WDR76: variants seen among roughly 807,000 people sequenced by gnomAD.
WDR76 encodes the protein WD repeat domain 76.
In WDR76, 52 loss-of-function variants were observed where a neutral mutation model predicts 70.2. That is an observed-to-expected ratio of 0.74 (90% CI 0.59 to 0.93). The LOEUF is 0.93. Among genes scored for constraint, WDR76 ranks in the 40% least tolerant of loss-of-function variants. The pLI is 0.00. For missense variants in WDR76, 756 were observed against 760.2 expected (o/e 0.99, Z 0.07); for synonymous variants, 292 against 271.1 (o/e 1.08, Z -0.76).
intron 2 of WDR76, among the ~76,000 whole-genome samples, chr15:43,832,752 T>TG (rs1456685655): frequency 7.6e-6 from 1 of 131,224 alleles, no homozygotes; most frequent in Non-Finnish European, 1.6e-5. Flanking sequence ...TGTTTTTTTT[T>TG]TTTTTTTTTT....
intron 8 of WDR76, among the ~76,000 whole-genome samples, chr15:43,849,611 T>C (rs566629922): frequency 5.3e-5 from 8 of 152,202 alleles, no homozygotes; most frequent in Non-Finnish European, 1.0e-4. Flanking sequence ...CAATCTTGGC[T>C]CACTGCAACC....
intron 9 of WDR76, among the ~76,000 whole-genome samples, chr15:43,851,566 C>T (rs528280928): frequency 6.6e-6 from 1 of 152,214 alleles, no homozygotes; most frequent in East Asian, 1.9e-4. Flanking sequence ...TGTGTTTGCG[C>T]TTGTTAAATT....
intron 12 of WDR76, among the ~76,000 whole-genome samples, chr15:43,861,818 G>A (rs1216492904): frequency 6.7e-6 from 1 of 148,186 alleles, no homozygotes; most frequent in African/African-American, 2.5e-5. Flanking sequence ...CAACTACTTT[G>A]AATGTATTTG....
intron 2 of WDR76, among the ~76,000 whole-genome samples, chr15:43,832,645 C>T (rs529817956): frequency 8.6e-5 from 13 of 150,702 alleles, no homozygotes; most frequent in African/African-American, 2.9e-4. Flanking sequence ...TAGGTTTCAC[C>T]ATGGTGGCTA....
At position 43,861,389 on chromosome 15, in the gene WDR76, A is replaced by G. The variant is rs1382916882; in HGVS notation, c.1616+3A>G. The G allele has an allele frequency of 2.5e-6, 4 of 1,613,046 alleles. No homozygotes were observed. In the South Asian group the frequency reaches 4.4e-5, roughly 18 times the overall value. ...ATTCCGCTCCTCACCACCATCAGGT[A>G]GGCTTCTATATGCCAAATAATGTAG... is the stretch of plus-strand genomic sequence containing the variant. On this transcript the variant is annotated splice_donor_region_variant and intron_variant, in intron 12 of 12. Transcript: ENST00000263795.
chr15:43,842,564 A>C (rs370919130), intron 6 of WDR76, 48 bp downstream of exon 6: 5 of 1,555,334 alleles, frequency 3.2e-6, no homozygotes, highest in African/African-American at 1.4e-5. Flanking sequence ...TGTTAAGGAA[A>C]TATATATATA....
intron 8 of WDR76, among the ~76,000 whole-genome samples, chr15:43,848,679 G>A (rs904668945): frequency 2.0e-5 from 3 of 152,130 alleles, no homozygotes; most frequent in African/African-American, 7.2e-5. Context: ...AGTGGCTCAT[G>A]CCTGTAATCC....
At chr15:43,832,179 T>C (rs1358170988) in intron 2 of WDR76, among the ~76,000 whole-genome samples, 2 of 152,212 alleles carry the variant, frequency 1.3e-5, no homozygotes, top group Non-Finnish European at 2.9e-5. Context: ...TGTTGAAAGT[T>C]TGTGCCATTC....
rs1356283296 is a variant in WDR76, at chr15:43,866,507, T to C, written c.*115T>C. Reference sequence around the variant, plus strand: ...TGTGTTACATTTAGCAATTATAACATTGTTTTATTAATAAGACTATAAGAA... The same window carrying C: ...TGTGTTACATTTAGCAATTATAACACTGTTTTATTAATAAGACTATAAGAA... On this transcript the variant is annotated 3_prime_UTR_variant, in exon 13 of 13. Coordinates refer to ENST00000263795, the MANE Select transcript of WDR76 (RefSeq NM_024908.4). The C allele has an allele frequency of 2.5e-6, 3 of 1,219,192 alleles. No individual in the cohort carries two copies. The highest frequency in any genetic ancestry group is 3.5e-6 in the Non-Finnish European group (3 of 867,772). 75.5% of individuals were successfully genotyped at this position (1,219,192 alleles called of 1,614,324 possible).
intron 12 of WDR76, among the ~76,000 whole-genome samples, chr15:43,865,914 A>G (rs534314043): frequency 6.6e-6 from 1 of 152,256 alleles, no homozygotes; most frequent in East Asian, 1.9e-4. Flanking sequence ...CATATGTTTT[A>G]TTTTGGGAGA....
intron 8 of WDR76, among the ~76,000 whole-genome samples, chr15:43,849,738 A>G (rs909935938): frequency 1.3e-5 from 2 of 152,112 alleles, no homozygotes; most frequent in Admixed American, 6.6e-5. Flanking sequence ...GGGTTTCACC[A>G]TCTTGGCCAG....
At chr15:43,852,822 T>TG in intron 9 of WDR76, among the ~76,000 whole-genome samples, 1 of 152,222 alleles carries the variant, frequency 6.6e-6, no homozygotes, top group East Asian at 1.9e-4. Context: ...AATATGCCAT[T>TG]GTATGGGTAT....
chr15:43,838,651 GCA>G (rs756749093), intron 4 of WDR76, among the ~76,000 whole-genome samples: 1 of 152,040 alleles, frequency 6.6e-6, no homozygotes, highest in Admixed American at 6.6e-5. Context: ...ATGTTGATGC[GCA>G]CAGCTTTATT....
rs757867286 is a variant in WDR76, at chr15:43,857,080, A to G, written c.1326A>G (p.Lys442=). 3 of 1,614,004 alleles carry G rather than the reference A, an allele frequency of 1.9e-6. No individual in the cohort carries two copies. The African/African-American group carries it at 4.0e-5, about 22-fold the overall frequency. ...GGACACCTGGAACTTCTTATGAGAA[A>G]CTTACCAGTTCTTCTATGGGAAAAA... is the stretch of plus-strand genomic sequence containing the variant. ...DRRTPGTSYE[K]LTSSSMGKIR... is the part of the protein sequence containing the mutation. Residue 442 remains lysine, a synonymous_variant, in exon 10 of 13, where the codon AAA becomes AAG. Transcript: ENST00000263795.
At chr15:43,851,707 G>A (rs1220813311) in intron 9 of WDR76, among the ~76,000 whole-genome samples, 1 of 152,192 alleles carries the variant, frequency 6.6e-6, no homozygotes, top group Non-Finnish European at 1.5e-5. Context: ...GCCAAGGTGG[G>A]AGACTCACTT....
chr15:43,832,732 C>A (rs971826419), intron 2 of WDR76, among the ~76,000 whole-genome samples: 1 of 139,652 alleles, frequency 7.2e-6, no homozygotes, highest in African/African-American at 2.6e-5. Context: ...CCATTGCACC[C>A]GGCTTGCTTT....
At chr15:43,832,004 C>T (rs2087595802) in intron 2 of WDR76, among the ~76,000 whole-genome samples, 1 of 152,138 alleles carries the variant, frequency 6.6e-6, no homozygotes, top group African/African-American at 2.4e-5. Context: ...GCTTCAGTCT[C>T]CCAAAGTGCT....
intron 2 of WDR76, among the ~76,000 whole-genome samples, chr15:43,831,239 TAAA>T (rs2087584543): frequency 6.6e-6 from 1 of 151,854 alleles, no homozygotes; most frequent in African/African-American, 2.4e-5. Context: ...TTTAAAAAAG[TAAA>T]AAATAAAGCC....
chr15:43,857,258 A>G (rs538289132), intron 10 of WDR76, 95 bp downstream of exon 10: 3 of 1,253,072 alleles, frequency 2.4e-6, no homozygotes, highest in African/African-American at 1.5e-5. Flanking sequence ...ACAATATTAC[A>G]AAAGGTATTA....
Sources: gnomAD v4.1 joint callset for allele counts (sites outside exome capture counted in the v4.1 genomes callset) on GRCh38, gnomAD v4.1.1 for gene constraint, MANE v1.5 for transcripts, NCBI Gene and HGNC (gene_info 2026-07-23, HGNC 2026-07-21) for gene names.